Variants in HCN3 observed in about 807,000 individuals in gnomAD.
HCN3 encodes the protein hyperpolarization activated cyclic nucleotide gated potassium channel 3.
HCN3 carries 36 observed loss-of-function variants against 56.8 expected under a neutral mutation model. The ratio of observed to expected loss-of-function variants is 0.63; its 90% CI spans 0.49 to 0.84. HCN3 has a LOEUF of 0.84. HCN3 is among the 40% of genes least tolerant of loss of function. The pLI is 0.00. For missense variants in HCN3, 930 were observed against 1,079.3 expected (o/e 0.86, Z 1.94); for synonymous variants, 425 against 439.7 (o/e 0.97, Z 0.42).
At chr1:155,287,082 C>A (rs1232335736) in intron 6 of HCN3, 91 bp from the exon 7 acceptor site, 8 of 1,452,724 alleles carry the variant, frequency 5.5e-6, no homozygotes, top group Non-Finnish European at 7.5e-6. Context: ...TAGGGAGGAG[C>A]CTTAGAAAGT....
intron 6 of HCN3, among the ~76,000 whole-genome samples, chr1:155,286,471 C>T (rs775261508): frequency 2.6e-5 from 4 of 152,164 alleles, no homozygotes; most frequent in Non-Finnish European, 5.9e-5. Flanking sequence ...TAAAGCTTCT[C>T]AGGAGATTCT....
Position 155,284,744 on chromosome 1 carries a change from A to C in HCN3, c.1076A>C (p.Gln359Pro), listed in dbSNP as rs751957006. 8 of 1,613,488 alleles carry C rather than the reference A, an allele frequency of 5.0e-6. No individual in the cohort carries two copies. Among genetic ancestry groups the C allele is most frequent in the Non-Finnish European group, 2.5e-6 (3 of 1,179,650 alleles). ...LIQSLDSSRR[Q>P]YQEKYKQVEQ... Reference sequence around the variant, plus strand: ...CAGTCCCTGGACTCTTCCCGGCGTCAGTACCAGGAGAAGGTCAGCAGGGAC... The same window carrying C: ...CAGTCCCTGGACTCTTCCCGGCGTCCGTACCAGGAGAAGGTCAGCAGGGAC... The change falls in exon 4 of 8, where the codon CAG becomes CCG. Residue 359 changes from glutamine to proline, a missense_variant. Coordinates refer to ENST00000368358, the MANE Select transcript of HCN3 (RefSeq NM_020897.3). The surrounding 1 kb of genome is among the most constrained non-coding windows in gnomAD (Gnocchi z 4.3).
chr1:155,284,874 T>C lies in HCN3; in HGVS notation c.1089+117T>C. 3 of 973,786 alleles carry C rather than the reference T, an allele frequency of 3.1e-6. No homozygotes were observed. In the South Asian group the frequency reaches 4.9e-5, roughly 16 times the overall value. The allele number at this position is 973,786 out of a possible 1,614,324, so 60.3% of individuals were successfully genotyped here. A position where few individuals can be genotyped will look rare whatever the true frequency, so the allele number is the denominator to read the frequency against. The stretch of plus-strand genomic sequence containing the variant: ...TGCGTCTCTGTTTCCTTTCCTGCCC[T>C]GTGTCCATTTGTTCCCTGCCCCTGC... On this transcript the variant is annotated intron_variant, in intron 4 of 7. Transcript: ENST00000368358. This position sits in a 1 kb window ranked among gnomAD's most constrained non-coding sequence, Gnocchi z 4.3.
chr1:155,282,492 G>A lies in HCN3; in HGVS notation c.360G>A (p.Glu120=). 1 of 1,614,256 alleles carries A rather than the reference G, an allele frequency of 6.2e-7. No homozygotes were observed. The highest frequency in any genetic ancestry group is 8.5e-7 in the Non-Finnish European group (1 of 1,180,052). The change falls in exon 2 of 8, where the codon GAG becomes GAA. Residue 120 remains glutamate (E), a synonymous_variant. Coordinates refer to ENST00000368358, the MANE Select transcript of HCN3 (RefSeq NM_020897.3). The surrounding 1 kb of genome is among the most constrained non-coding windows in gnomAD (Gnocchi z 4.7). ...CTGTGGGCATCACCTTCTTCAAGGA[G>A]GAGAACTCCCCGCCTTGGATCGTCT... ...VLPVGITFFK[E]ENSPPWIVFN... is the part of the protein sequence containing the mutation.
In HCN3 at chr1:155,288,226, C is replaced by A; in HGVS notation, c.2088C>A (p.Pro696=). 1 of 1,580,126 alleles carries A rather than the reference C, an allele frequency of 6.3e-7. No individual in the cohort carries two copies. The highest frequency in any genetic ancestry group is 8.6e-7 in the Non-Finnish European group (1 of 1,167,344). The change falls in exon 8 of 8, where the codon CCC becomes CCA. Residue 696 remains proline (P), a synonymous_variant. Transcript: ENST00000368358. This position sits in a 1 kb window ranked among gnomAD's most constrained non-coding sequence, Gnocchi z 6.5. ...AGRSQVSLLG[P]PPGGGGRRLG... Reference sequence around the variant, plus strand: ...GCTCCCAGGTCTCCCTGCTGGGTCCCCCTCCAGGAGGAGGTGGACGGCGGC... The same window carrying A: ...GCTCCCAGGTCTCCCTGCTGGGTCCACCTCCAGGAGGAGGTGGACGGCGGC...
chr1:155,280,955 T>C (rs1248896726), intron 1 of HCN3, among the ~76,000 whole-genome samples: 3 of 149,392 alleles, frequency 2.0e-5, no homozygotes, highest in African/African-American at 5.0e-5. Context: ...GGTTTCTCCA[T>C]GTTGGTCAGG....
chr1:155,285,279 A>G lies in HCN3; in HGVS notation c.1204A>G (p.Ile402Val). 2 of 1,613,690 alleles carry G rather than the reference A, an allele frequency of 1.2e-6. No homozygotes were observed. The highest frequency in any genetic ancestry group is 4.5e-5 in the East Asian group (2 of 44,860). Residue 402 changes from isoleucine (I) to valine (V), a missense_variant, in exon 5 of 8, where the codon ATC becomes GTC. By Grantham distance (29) the Ile-to-Val change is conservative. Transcript: ENST00000368358. This position sits in a 1 kb window ranked among gnomAD's most constrained non-coding sequence, Gnocchi z 4.5. ...YQGKMFDEES[I>V]LGELSEPLRE... The stretch of plus-strand genomic sequence containing the variant: ...GGGCAAGATGTTCGATGAGGAAAGC[A>G]TCCTGGGCGAGCTGAGCGAGCCGCT...
Position 155,285,561 on chromosome 1 carries a change from G to T in HCN3, c.1237-163G>T, listed in dbSNP as rs1438772511. Among the ~76,000 whole-genome samples, 1 of 152,232 alleles carries T rather than the reference G, an allele frequency of 6.6e-6. No individual in the cohort carries two copies. The highest frequency in any genetic ancestry group is 1.9e-4 in the East Asian group (1 of 5,188). ...TGGTCCTGCAAGGGCTCATGGGAAA[G>T]ATCTGAAGGCAGGAGCTTAGGGATG... On this transcript the variant is annotated intron_variant, in intron 5 of 7. Transcript: ENST00000368358. The surrounding 1 kb of genome is among the most constrained non-coding windows in gnomAD (Gnocchi z 4.5).
rs774197617 is a variant in HCN3, at chr1:155,284,637, C to T, written c.969C>T (p.Pro323=). Residue 323 remains proline, a synonymous_variant, in exon 4 of 8, where the codon CCC becomes CCT. Coordinates refer to ENST00000368358, the MANE Select transcript of HCN3 (RefSeq NM_020897.3). The surrounding 1 kb of genome is among the most constrained non-coding windows in gnomAD (Gnocchi z 4.3). ...GYGQQAPVGM[P]DVWLTMLSMI... ...GGCAGCAGGCACCTGTAGGCATGCCCGACGTCTGGCTCACCATGCTCAGCA... is the reference window on the plus strand; with the variant it reads ...GGCAGCAGGCACCTGTAGGCATGCCTGACGTCTGGCTCACCATGCTCAGCA... The T allele has an allele frequency of 2.0e-5, 33 of 1,614,052 alleles. No individual in the cohort carries two copies. The Middle Eastern group carries it at 5.0e-4, about 24-fold the overall frequency.
At position 155,285,101 on chromosome 1, in the gene HCN3, C is replaced by A. The variant is rs1572040503; in HGVS notation, c.1090-64C>A. On this transcript the variant is annotated intron_variant, in intron 4 of 7. Coordinates refer to ENST00000368358, the MANE Select transcript of HCN3 (RefSeq NM_020897.3). The surrounding 1 kb of genome is among the most constrained non-coding windows in gnomAD (Gnocchi z 4.5). ...TCTCTGACCTTCCGCACACACACCC[C>A]ACTGTGCCGGCCCCAAATCTCTCCC... 1.3e-6 allele frequency: 2 copies of A among 1,580,468 alleles called. No homozygotes were observed. Among genetic ancestry groups the A allele is most frequent in the South Asian group, 1.1e-5 (1 of 87,282 alleles).
rs754386298 is a variant in HCN3, at chr1:155,282,373, T to A, written c.279-38T>A. 6.3e-7 allele frequency: 1 copy of A among 1,591,778 alleles called. No homozygotes were observed. Among genetic ancestry groups the A allele is most frequent in the Non-Finnish European group, 8.6e-7 (1 of 1,163,856 alleles). On this transcript the variant is annotated intron_variant, in intron 1 of 7. Coordinates refer to ENST00000368358, the MANE Select transcript of HCN3 (RefSeq NM_020897.3). This position sits in a 1 kb window ranked among gnomAD's most constrained non-coding sequence, Gnocchi z 4.7. ...TGTCAGTCTAGTGGCTGGTGAAATA[T>A]CCTCATGGTCTTACTCCTCATCTCA... is the stretch of plus-strand genomic sequence containing the variant.
intron 6 of HCN3, among the ~76,000 whole-genome samples, chr1:155,286,787 C>T (rs1169528861): frequency 7.3e-6 from 1 of 137,592 alleles, no homozygotes; most frequent in African/African-American, 2.7e-5. Flanking sequence ...CAGGGCTGCC[C>T]TCAGTGTTTA....
chr1:155,283,976 C>G lies in HCN3; in HGVS notation c.711C>G (p.Ile237Met). ...CAGCTCCTCCTCGGACTCCTCAGAT[C>G]TTTCACATGACCTATGACCTGGCCA... ...LIRYIHQWEE[I>M]FHMTYDLASA... Residue 237 changes from isoleucine (I) to methionine (M), a missense_variant and splice_region_variant, in exon 3 of 8, where the codon ATC becomes ATG. Physicochemically the swap from Ile to Met is conservative, Grantham distance 10 (BLOSUM62 1). Transcript: ENST00000368358. 6.2e-7 allele frequency: 1 copy of G among 1,612,974 alleles called. No homozygotes were observed. Among genetic ancestry groups the G allele is most frequent in the Non-Finnish European group, 8.5e-7 (1 of 1,179,096 alleles).
At chr1:155,286,872 T>G (rs2148185609) in intron 6 of HCN3, among the ~76,000 whole-genome samples, 2 of 148,192 alleles carry the variant, frequency 1.3e-5, no homozygotes, top group East Asian at 2.0e-4. Flanking sequence ...CGGGGAGGGG[T>G]GGGAGTTAAA....
rs550948575 is a variant in HCN3, at chr1:155,288,595, G to A, written c.*132G>A. On this transcript the variant is annotated 3_prime_UTR_variant, in exon 8 of 8. Coordinates refer to ENST00000368358, the MANE Select transcript of HCN3 (RefSeq NM_020897.3). The surrounding 1 kb of genome is among the most constrained non-coding windows in gnomAD (Gnocchi z 6.5). ...AATGTCGACCCTGTGCGGACATTCC[G>A]CATACTGCCATGAAGACGGTCTCTG... The A allele has an allele frequency of 4.1e-5, 47 of 1,151,268 alleles. No homozygotes were observed. The East Asian group carries it at 7.5e-4, about 18-fold the overall frequency. 71.3% of individuals were successfully genotyped at this position (1,151,268 alleles called of 1,614,324 possible).
In HCN3 at chr1:155,277,479, C is replaced by G. The variant is rs988112406; in HGVS notation, c.-112C>G. 17 of 1,315,016 alleles carry G rather than the reference C, an allele frequency of 1.3e-5. No individual in the cohort carries two copies. The highest frequency in any genetic ancestry group is 1.6e-5 in the Non-Finnish European group (16 of 989,552). The allele number at this position is 1,315,016 out of a possible 1,614,324, so 81.5% of individuals were successfully genotyped here. On this transcript the variant is annotated 5_prime_UTR_variant, in exon 1 of 8. Transcript: ENST00000368358. ...CGCGCCGGCGATTCCGAGCCTACGA[C>G]GCCTCCGCTAGAGCCCGCGGGGCTG... is the stretch of plus-strand genomic sequence containing the variant.
chr1:155,280,659 C>T (rs1557945128), intron 1 of HCN3, among the ~76,000 whole-genome samples: 1 of 150,086 alleles, frequency 6.7e-6, no homozygotes, highest in Non-Finnish European at 1.5e-5. Context: ...AGGATGGTCT[C>T]AATCTCCTGA....
chr1:155,279,834 T>A (rs1673949272), intron 1 of HCN3, among the ~76,000 whole-genome samples: 1 of 152,210 alleles, frequency 6.6e-6, no homozygotes, highest in African/African-American at 2.4e-5. Flanking sequence ...CAGGATACTT[T>A]AGCTTTTTTT....
chr1:155,278,045 C>G (rs1673880556), intron 1 of HCN3, among the ~76,000 whole-genome samples, 177 bp downstream of exon 1: 1 of 152,066 alleles, frequency 6.6e-6, no homozygotes, highest in Non-Finnish European at 1.5e-5. Context: ...GCGGGTATCC[C>G]CTGCCGGAGG....
Sources: allele counts gnomAD v4.1 joint callset (sites outside exome capture counted in the v4.1 genomes callset), GRCh38; gene constraint gnomAD v4.1.1; non-coding constraint Gnocchi (gnomAD v3.1); transcripts MANE v1.5; gene names NCBI Gene and HGNC (gene_info 2026-07-23, HGNC 2026-07-21).